The following ZNF367 variants were observed in gnomAD, a reference collection of about 807,000 sequenced individuals.
The protein encoded by ZNF367 is C2H2 zinc finger protein ZFF29.
Under a neutral mutation model 31.8 loss-of-function variants are expected in ZNF367, and 11 were observed. The observed-to-expected ratio is 0.35, with a 90% CI of 0.22 to 0.57. The LOEUF (loss-of-function observed/expected upper bound fraction) is 0.57, where lower values mean the gene tolerates loss of function less well. Ranked by LOEUF, ZNF367 falls within the 20% of genes least tolerant of loss-of-function variation. The pLI is 0.85. For synonymous variants in ZNF367, 199 were observed against 202.4 expected (o/e 0.98, Z 0.14); for missense variants, 353 against 484.1 (o/e 0.73, Z 2.54).
intron 1 of ZNF367, among the ~76,000 whole-genome samples, chr9:96,409,006 T>A (rs952329801): frequency 9.2e-5 from 14 of 152,140 alleles, no homozygotes; most frequent in Non-Finnish European, 1.5e-5. Flanking sequence ...TAAAGACAGA[T>A]CCCTCATGAA....
chr9:96,402,058 C>G (rs988386262), intron 1 of ZNF367, among the ~76,000 whole-genome samples: 7 of 151,418 alleles, frequency 4.6e-5, no homozygotes, highest in African/African-American at 1.7e-4. Flanking sequence ...GAGATCAAGA[C>G]CAACCTGGCC....
At chr9:96,402,456 T>TC in intron 1 of ZNF367, among the ~76,000 whole-genome samples, 1 of 129,470 alleles carries the variant, frequency 7.7e-6, no homozygotes, top group East Asian at 2.1e-4. Context: ...TTTTTTTTTT[T>TC]TTTTTTTTTT....
chr9:96,412,680 TTTTTTC>T (rs1180883248), intron 1 of ZNF367, among the ~76,000 whole-genome samples: 2 of 150,646 alleles, frequency 1.3e-5, no homozygotes, highest in Non-Finnish European at 3.0e-5. Flanking sequence ...TATGTATTTC[TTTTTTC>T]TTTTTCTTTT....
intron 1 of ZNF367, among the ~76,000 whole-genome samples, chr9:96,414,609 C>CCTCCCTACTCCCAAG: frequency 6.6e-6 from 1 of 152,152 alleles, no homozygotes; most frequent in East Asian, 1.9e-4. Context: ...TCCCAAGTAG[C>CCTCCCTACTCCCAAG]TGGGACTACA....
chr9:96,407,200 T>C (rs1831681568), intron 1 of ZNF367: 1 of 708,088 alleles, frequency 1.4e-6, no homozygotes, highest in Admixed American at 2.3e-5. Flanking sequence ...CTGCGTGGCG[T>C]GGGCTTGTGG....
At chr9:96,394,765 T>A in intron 3 of ZNF367, 58 bp downstream of exon 3, 1 of 1,488,516 alleles carries the variant, frequency 6.7e-7, no homozygotes, top group Non-Finnish European at 9.0e-7. Flanking sequence ...AAGGAAAGGA[T>A]ATTTTAACTG....
In ZNF367 at chr9:96,417,685, G is replaced by C; in HGVS notation, c.348C>G (p.Ala116=). ...CTCCCGAGGCGGCGGCGGAGGCCGA[G>C]GCGGCGGGCGGGGGCGCGCCCCGGC... is the stretch of plus-strand genomic sequence containing the variant. ...LRGRGAPPPA[A]SASAAASGGE... Residue 116 remains alanine, a synonymous_variant, in exon 1 of 5, where the codon GCC becomes GCG. Coordinates refer to ENST00000375256, the MANE Select transcript of ZNF367 (RefSeq NM_153695.4). The surrounding 1 kb of genome is among the most constrained non-coding windows in gnomAD (Gnocchi z 5.0). The C allele has an allele frequency of 1.8e-6, 2 of 1,122,248 alleles. No homozygotes were observed. Among genetic ancestry groups the C allele is most frequent in the Non-Finnish European group, 2.2e-6 (2 of 897,124 alleles). 69.5% of individuals were successfully genotyped at this position (1,122,248 alleles called of 1,614,324 possible).
chr9:96,412,826 G>T (rs1831768210), intron 1 of ZNF367, among the ~76,000 whole-genome samples: 1 of 151,278 alleles, frequency 6.6e-6, no homozygotes, highest in Non-Finnish European at 1.5e-5. Context: ...CTCCCGAGTA[G>T]CCGGGACTAT....
At chr9:96,409,099 G>C (rs66775436) in intron 1 of ZNF367, among the ~76,000 whole-genome samples, 26,238 of 151,910 alleles carry the variant, frequency 0.17, 2,762 homozygotes, top group Admixed American at 0.28. Flanking sequence ...CCTCCCTCTT[G>C]TTCCCTCTCT....
chr9:96,417,462 T>G lies in ZNF367; in HGVS notation c.420+151A>C, dbSNP rs1271376532. The G allele has an allele frequency of 1.2e-5, 3 of 254,274 alleles. No individual in the cohort carries two copies. Among genetic ancestry groups the G allele is most frequent in the Non-Finnish European group, 2.2e-5 (3 of 134,226 alleles). The allele number at this position is 254,274 out of a possible 1,614,324, so 15.8% of individuals were successfully genotyped here. On this transcript the variant is annotated intron_variant, in intron 1 of 4. Coordinates refer to ENST00000375256, the MANE Select transcript of ZNF367 (RefSeq NM_153695.4). This position sits in a 1 kb window ranked among gnomAD's most constrained non-coding sequence, Gnocchi z 5.0. ...GCCCCCCCCGACTGGGGCCGGTTTT[T>G]GGCGCGCGGCAGTGACGTCAGCATC...
chr9:96,392,294 G>A, intron 4 of ZNF367, 104 bp downstream of exon 4: 1 of 1,526,518 alleles, frequency 6.6e-7, no homozygotes, highest in Non-Finnish European at 9.0e-7. Context: ...TATAAAATGT[G>A]TATAAATGCA....
rs1469801447 is a variant in ZNF367, at chr9:96,393,105, AC to A, written c.692-570del. On this transcript the variant is annotated intron_variant, in intron 3 of 4. Transcript: ENST00000375256. ...TCGCAGGGGTCGGGTGGAGTTCAAA[AC>A]CTCAGACCCGAGAATTCCATTTGTG... Among the ~76,000 whole-genome samples, 6 of 152,298 alleles carry A rather than the reference AC, an allele frequency of 3.9e-5. No individual in the cohort carries two copies. In the East Asian group the frequency reaches 1.2e-3, roughly 30 times the overall value.
chr9:96,407,505 C>A, intron 1 of ZNF367: 1 of 1,279,332 alleles, frequency 7.8e-7, no homozygotes, highest in Non-Finnish European at 1.1e-6. Context: ...AGAAAAACAC[C>A]AAACAAAAGA....
At chr9:96,392,564 AG>A in intron 3 of ZNF367, 28 bp from the exon 4 acceptor site, 1 of 1,575,998 alleles carries the variant, frequency 6.3e-7, no homozygotes. Context: ...AACACCTGTC[AG>A]GATCTGGACA....
intron 1 of ZNF367, among the ~76,000 whole-genome samples, chr9:96,400,648 G>A (rs753593106): frequency 6.6e-6 from 1 of 151,950 alleles, no homozygotes; most frequent in Non-Finnish European, 1.5e-5. Flanking sequence ...TATCCAGTCT[G>A]AAGAACAGAA....
chr9:96,394,033 A>G (rs1307272667), intron 3 of ZNF367, among the ~76,000 whole-genome samples: 1 of 152,232 alleles, frequency 6.6e-6, no homozygotes, highest in African/African-American at 2.4e-5. Context: ...GAAACTGATA[A>G]AAGATTAAGA....
rs565257038 is a variant in ZNF367, at chr9:96,387,905, A to G, written c.*332T>C. 19 of 255,056 alleles carry G rather than the reference A, an allele frequency of 7.4e-5. No individual in the cohort carries two copies. The South Asian group carries it at 2.3e-3, about 30-fold the overall frequency. The allele number at this position is 255,056 out of a possible 1,614,324, so 15.8% of individuals were successfully genotyped here. A position where few individuals can be genotyped will look rare whatever the true frequency, so the allele number is the denominator to read the frequency against. ...ATTTGTACCATTCTGTTTTTCAAAC[A>G]AGTGTCTTATTCAGAAAGTGCTTCC... On this transcript the variant is annotated 3_prime_UTR_variant, in exon 5 of 5. Coordinates refer to ENST00000375256, the MANE Select transcript of ZNF367 (RefSeq NM_153695.4).
At chr9:96,392,967 C>A (rs1831490244) in intron 3 of ZNF367, among the ~76,000 whole-genome samples, 2 of 152,122 alleles carry the variant, frequency 1.3e-5, no homozygotes, top group South Asian at 4.1e-4. Context: ...TGCCTGTAAT[C>A]CCAGCTACTC....
chr9:96,405,793 G>A (rs1361456951), intron 1 of ZNF367, among the ~76,000 whole-genome samples: 1 of 152,180 alleles, frequency 6.6e-6, no homozygotes, highest in African/African-American at 2.4e-5. Context: ...TCTGCATGTA[G>A]TAGGGAACAG....
Sources: allele counts gnomAD v4.1 joint callset (sites outside exome capture counted in the v4.1 genomes callset), GRCh38; gene constraint gnomAD v4.1.1; non-coding constraint Gnocchi (gnomAD v3.1); transcripts MANE v1.5; gene names NCBI Gene and HGNC (gene_info 2026-07-23, HGNC 2026-07-21).